Variants in AMPH observed in about 807,000 individuals in gnomAD.
AMPH encodes amphiphysin (Stiff-Mann syndrome with breast cancer 128kD autoantigen).
Under a neutral mutation model 99.1 loss-of-function variants are expected in AMPH, and 49 were observed. The ratio of observed to expected loss-of-function variants is 0.49; its 90% CI spans 0.39 to 0.63. The LOEUF is 0.63. Among genes scored for constraint, AMPH ranks in the 20% least tolerant of loss-of-function variants. The pLI is 0.00. For synonymous variants in AMPH, 314 were observed against 317.3 expected (o/e 0.99, Z 0.11); for missense variants, 759 against 863.4 (o/e 0.88, Z 1.52).
At chr7:38,490,270 T>C (rs147261690) in intron 5 of AMPH, among the ~76,000 whole-genome samples, 814 of 152,322 alleles carry the variant, frequency 5.3e-3, no homozygotes, top group Non-Finnish European at 8.8e-3. Flanking sequence ...CTGCCTAATA[T>C]GGTAACATCA....
intron 15 of AMPH, among the ~76,000 whole-genome samples, chr7:38,424,644 GA>G (rs138920683): frequency 0.012 from 1,800 of 147,356 alleles, 42 homozygotes; most frequent in African/African-American, 0.042. Context: ...GAGAACAAAG[GA>G]AAAAAAAAGA....
intron 1 of AMPH, among the ~76,000 whole-genome samples, chr7:38,578,663 G>T (rs1169819613): frequency 2.0e-5 from 3 of 152,020 alleles, no homozygotes; most frequent in African/African-American, 7.3e-5. Context: ...TAGCTACTTG[G>T]GAGGCTAAGG....
chr7:38,441,806 A>ATGATATATATCATATATC (rs1267958196), intron 11 of AMPH, among the ~76,000 whole-genome samples: 47 of 87,274 alleles, frequency 5.4e-4, no homozygotes, highest in Admixed American at 1.2e-3. Context: ...TATCATATAT[A>ATGATATATATCATATATC]TATCATATAT....
intron 1 of AMPH, among the ~76,000 whole-genome samples, chr7:38,550,112 T>A (rs778887927): frequency 6.6e-6 from 1 of 152,344 alleles, no homozygotes; most frequent in Non-Finnish European, 1.5e-5. Context: ...AATAAGTTAG[T>A]CATCTTGATG....
In AMPH at chr7:38,464,199, G is replaced by C. The variant is rs934282452; in HGVS notation, c.750-1086C>G. The C allele has an allele frequency of 1.3e-5, 15 of 1,151,168 alleles. No homozygotes were observed. The African/African-American group carries it at 2.2e-4, about 17-fold the overall frequency. The allele number at this position is 1,151,168 out of a possible 1,614,324, so 71.3% of individuals were successfully genotyped here. On this transcript the variant is annotated intron_variant, in intron 9 of 20. Transcript: ENST00000356264. ...TCATTTGGCAACATTACAATTTTCA[G>C]ATGAATTTGTCCCTTTCATTTCCAT...
chr7:38,435,478 A>T (rs1786224998), intron 12 of AMPH, among the ~76,000 whole-genome samples: 1 of 152,226 alleles, frequency 6.6e-6, no homozygotes, highest in African/African-American at 2.4e-5. Flanking sequence ...GCCTAAATTC[A>T]TATGTGGGGC....
intron 1 of AMPH, among the ~76,000 whole-genome samples, chr7:38,599,195 G>T (rs1793162531): frequency 6.6e-6 from 1 of 152,168 alleles, no homozygotes; most frequent in African/African-American, 2.4e-5. Flanking sequence ...TTTTAGCAAT[G>T]CAGGGACATG....
intron 1 of AMPH, among the ~76,000 whole-genome samples, chr7:38,540,691 G>GGAAAAA (rs1790774301): frequency 9.7e-4 from 1 of 1,030 alleles, no homozygotes; most frequent in Non-Finnish European, 2.2e-3. Context: ...GTGACCCCAA[G>GGAAAAA]CAAAAAAAAA....
intron 1 of AMPH, among the ~76,000 whole-genome samples, chr7:38,540,876 G>A (rs1790784105): frequency 6.6e-6 from 1 of 151,580 alleles, no homozygotes; most frequent in Admixed American, 6.6e-5. Context: ...TCCATTTGAT[G>A]AGGGCTCCAA....
At chr7:38,397,896 T>G (rs368669656) in intron 17 of AMPH, among the ~76,000 whole-genome samples, 1 of 152,020 alleles carries the variant, frequency 6.6e-6, no homozygotes, top group African/African-American at 2.4e-5. Context: ...CAAACAAGTA[T>G]GTGAAAAGGT....
At chr7:38,466,380 A>G in intron 7 of AMPH, 132 bp from the exon 8 acceptor site, 1 of 711,876 alleles carries the variant, frequency 1.4e-6, no homozygotes. Flanking sequence ...TGGACTAAAT[A>G]AAATACTGAA....
At chr7:38,529,843 C>G (rs1048634002) in intron 2 of AMPH, among the ~76,000 whole-genome samples, 4 of 152,240 alleles carry the variant, frequency 2.6e-5, no homozygotes, top group African/African-American at 7.2e-5. Flanking sequence ...TCTGCTCAAG[C>G]AAATTGCAAA....
chr7:38,490,712 A>C (rs964126109), intron 5 of AMPH, among the ~76,000 whole-genome samples: 7 of 152,178 alleles, frequency 4.6e-5, no homozygotes, highest in Middle Eastern at 3.2e-3. Context: ...TTCTAATGGA[A>C]ATCCCTGTCA....
intron 17 of AMPH, among the ~76,000 whole-genome samples, chr7:38,402,444 A>G (rs932691376): frequency 6.6e-6 from 1 of 152,202 alleles, no homozygotes; most frequent in African/African-American, 2.4e-5. Flanking sequence ...AAATCAGGAG[A>G]AATCTCTATA....
chr7:38,422,691 T>C (rs1375158512), intron 15 of AMPH, among the ~76,000 whole-genome samples: 21 of 152,118 alleles, frequency 1.4e-4, no homozygotes, highest in Admixed American at 1.4e-3. Context: ...GGTATGATCA[T>C]GCTCACCGCA....
At chr7:38,392,377 C>CTTTTTTTTTTTTT (rs574057389) in intron 18 of AMPH, among the ~76,000 whole-genome samples, 2 of 42,046 alleles carry the variant, frequency 4.8e-5, no homozygotes, top group African/African-American at 1.1e-4. Context: ...CGGCCTGGTT[C>CTTTTTTTTTTTTT]TTTTTTTTTT....
chr7:38,456,402 C>T (rs1006504264), intron 11 of AMPH, among the ~76,000 whole-genome samples: 3 of 152,202 alleles, frequency 2.0e-5, no homozygotes, highest in Admixed American at 6.5e-5. Flanking sequence ...GTAGCTTGAC[C>T]TCAGGACAAG....
At chr7:38,426,612 T>A (rs1433982490) in intron 15 of AMPH, among the ~76,000 whole-genome samples, 1 of 152,166 alleles carries the variant, frequency 6.6e-6, no homozygotes, top group East Asian at 1.9e-4. Flanking sequence ...ATCTCTCAGA[T>A]CAGAACAACT....
At chr7:38,458,508 C>A (rs534555283) in intron 11 of AMPH, among the ~76,000 whole-genome samples, 1 of 152,246 alleles carries the variant, frequency 6.6e-6, no homozygotes, top group African/African-American at 2.4e-5. Context: ...ACAGATGACA[C>A]ACCACGACCA....
Sources: allele counts gnomAD v4.1 joint callset (sites outside exome capture counted in the v4.1 genomes callset), GRCh38; gene constraint gnomAD v4.1.1; transcripts MANE v1.5; gene names NCBI Gene and HGNC (gene_info 2026-07-23, HGNC 2026-07-21).